The following SPATC1L variants were observed in gnomAD, a reference collection of about 807,000 sequenced individuals.
The protein encoded by SPATC1L is speriolin-like protein.
A neutral mutation model predicts 21.2 loss-of-function variants in SPATC1L; 20 were observed. The observed-to-expected ratio is 0.94, with a 90% CI of 0.66 to 1.37. SPATC1L has a LOEUF of 1.37. SPATC1L is among the 40% of genes most tolerant of loss of function. The pLI, the probability that SPATC1L is intolerant of heterozygous loss-of-function variation, is 0.00. For synonymous variants in SPATC1L, 290 were observed against 234.5 expected, an observed-to-expected ratio of 1.24 and a Z score of -2.16; for missense variants, 499 against 478.7, an observed-to-expected ratio of 1.04 and a Z score of -0.40.
At chr21:46,172,983 T>C (rs13048940) in intron 2 of SPATC1L, among the ~76,000 whole-genome samples, 111,263 of 152,136 alleles carry the variant, frequency 0.73, 42,038 homozygotes, top group East Asian at 1. Context: ...GGAGACCCCT[T>C]GCCCACCATG....
At chr21:46,174,344 CAAAA>C (rs200980627) in intron 2 of SPATC1L, among the ~76,000 whole-genome samples, 1 of 68,830 alleles carries the variant, frequency 1.5e-5, no homozygotes, top group Non-Finnish European at 2.8e-5. Context: ...AAAAACAAAA[CAAAA>C]AAAAAAAAAA....
Position 46,182,703 on chromosome 21 carries a change from G to C in SPATC1L, c.114C>G (p.Ser38Arg), listed in dbSNP as rs1449894045. ...NQMLRRLLSQ[S>R]CQEGGGHDLL... ...GGTCGTGGCCGCCGCCCTCCTGGCA[G>C]CTCTGGCTGAGCAGCCGCCGCAGCA... is the stretch of plus-strand genomic sequence containing the variant. Residue 38 changes from serine (S) to arginine (R), a missense_variant, in exon 2 of 5, where the codon AGC (serine) becomes AGG (arginine). By Grantham distance (110) the Ser-to-Arg change is moderately radical. Coordinates refer to ENST00000291672, the MANE Select transcript of SPATC1L (RefSeq NM_001142854.2). 6.5e-7 allele frequency: 1 copy of C among 1,545,236 alleles called. No individual in the cohort carries two copies. The highest frequency in any genetic ancestry group is 1.4e-5 in the African/African-American group (1 of 72,980).
chr21:46,173,139 C>G (rs1398526706), intron 2 of SPATC1L, among the ~76,000 whole-genome samples: 1 of 152,216 alleles, frequency 6.6e-6, no homozygotes, highest in Non-Finnish European at 1.5e-5. Flanking sequence ...GACTTTGGAC[C>G]TAGGGGAACT....
chr21:46,162,236 G>A (rs181141098), intron 3 of SPATC1L, among the ~76,000 whole-genome samples, 169 bp from the exon 4 acceptor site: 8 of 152,228 alleles, frequency 5.3e-5, no homozygotes, highest in Admixed American at 5.2e-4. Context: ...TTCTTAAAGT[G>A]CCAAAGGGCA....
intron 2 of SPATC1L, among the ~76,000 whole-genome samples, chr21:46,179,714 C>G (rs1264035517): frequency 6.6e-6 from 1 of 152,166 alleles, no homozygotes; most frequent in Non-Finnish European, 1.5e-5. Context: ...TCTGGGGGGG[C>G]CTGGCTGTCC....
In SPATC1L at chr21:46,174,346, A is replaced by AAC. The variant is rs1555887772; in HGVS notation, c.194-5689_194-5688insGT. On this transcript the variant is annotated intron_variant, in intron 2 of 4. Coordinates refer to ENST00000291672, the MANE Select transcript of SPATC1L (RefSeq NM_001142854.2). Reference sequence around the variant, plus strand: ...AGACTCTGTCTCAAAAAACAAAACAAAAAAAAAAAAAAAACAGAATGGCAA... The same window carrying AAC: ...AGACTCTGTCTCAAAAAACAAAACAAACAAAAAAAAAAAAAACAGAATGGCAA... 2.4e-3 allele frequency among the ~76,000 whole-genome samples: 222 copies of AAC among 93,900 alleles called. 1 individual carries two copies. Among genetic ancestry groups the AAC allele is most frequent in the Middle Eastern group, 0.012 (2 of 170 alleles). 61.6% of individuals were successfully genotyped at this position (93,900 alleles called of 152,430 possible).
rs1278703345 is a variant in SPATC1L at position 46,161,478 on chromosome 21, G to A, written c.924C>T (p.Ile308=). 1.4e-5 allele frequency: 23 copies of A among 1,600,802 alleles called. No individual in the cohort carries two copies. The highest frequency in any genetic ancestry group is 8.4e-5 in the Admixed American group (5 of 59,624). The change falls in exon 5 of 5, where the codon ATC becomes ATT. Residue 308 remains isoleucine, a synonymous_variant. Transcript: ENST00000291672. ...CCAGGAACTTGGGGGGCACCACGTC[G>A]ATGACCAGCTTGCGCAGCGCGGCCG... is the stretch of plus-strand genomic sequence containing the variant. ...SSPAALRKLV[I]DVVPPKFLGD...
intron 2 of SPATC1L, among the ~76,000 whole-genome samples, chr21:46,172,468 A>G (rs2079601106): frequency 6.6e-6 from 1 of 152,238 alleles, no homozygotes; most frequent in African/African-American, 2.4e-5. Context: ...TCTGTTTTCC[A>G]AAAATAAGAA....
At chr21:46,166,227 G>A (rs199563050) in intron 3 of SPATC1L, among the ~76,000 whole-genome samples, 1 of 152,096 alleles carries the variant, frequency 6.6e-6, no homozygotes, top group African/African-American at 2.4e-5. Flanking sequence ...TTAGCTGGGC[G>A]TGGTGGCACG....
chr21:46,179,075 C>CA lies in SPATC1L; in HGVS notation c.193+3548dup, dbSNP rs1221584346. ...GCAACATAGGGAGACCCTGTCTCTA[C>CA]AAAAAAAAAAAAAAAATTTTTAACT... On this transcript the variant is annotated intron_variant, in intron 2 of 4. Transcript: ENST00000291672. 3.5e-3 allele frequency among the ~76,000 whole-genome samples: 325 copies of CA among 91,610 alleles called. 1 individual carries two copies. Among genetic ancestry groups the CA allele is most frequent in the Middle Eastern group, 0.011 (2 of 178 alleles). 60.1% of individuals were successfully genotyped at this position (91,610 alleles called of 152,430 possible).
intron 3 of SPATC1L, among the ~76,000 whole-genome samples, chr21:46,162,391 GC>G (rs2079506761): frequency 6.6e-6 from 1 of 152,116 alleles, no homozygotes; most frequent in Non-Finnish European, 1.5e-5. Flanking sequence ...GAGGAACCCG[GC>G]CCTGGAGGTC....
At chr21:46,165,903 C>T (rs78337734) in intron 3 of SPATC1L, among the ~76,000 whole-genome samples, 16,069 of 152,120 alleles carry the variant, frequency 0.11, 1,488 homozygotes, top group African/African-American at 0.25. Context: ...AAAATGTTCC[C>T]ACAGAGACCA....
intron 3 of SPATC1L, among the ~76,000 whole-genome samples, chr21:46,164,522 G>A (rs910106606): frequency 6.6e-6 from 1 of 151,986 alleles, no homozygotes; most frequent in South Asian, 2.1e-4. Flanking sequence ...GGCCAGGTGC[G>A]GTGGCTCATG....
In SPATC1L at chr21:46,183,157, G is replaced by A. The variant is rs554745368; in HGVS notation, c.-341C>T. On this transcript the variant is annotated 5_prime_UTR_variant, in exon 2 of 5. Transcript: ENST00000291672. ...AGGGGCGTCCAAGCCACTCCCCATTGAGCGGCCCAGCCAGGGTCGGGTGTC... is the reference window on the plus strand; with the variant it reads ...AGGGGCGTCCAAGCCACTCCCCATTAAGCGGCCCAGCCAGGGTCGGGTGTC... The A allele has an allele frequency of 3.3e-4, 106 of 321,016 alleles. No homozygotes were observed. Among genetic ancestry groups the A allele is most frequent in the Admixed American group, 2.3e-3 (47 of 20,086 alleles). The allele number at this position is 321,016 out of a possible 1,614,324, so 19.9% of individuals were successfully genotyped here.
At chr21:46,172,247 G>C (rs1306060772) in intron 2 of SPATC1L, among the ~76,000 whole-genome samples, 1 of 149,874 alleles carries the variant, frequency 6.7e-6, no homozygotes, top group Non-Finnish European at 1.5e-5. Flanking sequence ...GAGGTGTGCA[G>C]AGCACAAGAT....
In SPATC1L at chr21:46,175,955, C is replaced by T. The variant is rs183083938; in HGVS notation, c.193+6669G>A. ...CCAGCAGCACATCAAAAAGCTTATCCACCACAATCAAATAGGTTTTATCCC... is the reference window on the plus strand; with the variant it reads ...CCAGCAGCACATCAAAAAGCTTATCTACCACAATCAAATAGGTTTTATCCC... On this transcript the variant is annotated intron_variant, in intron 2 of 4. Transcript: ENST00000291672. Among the ~76,000 whole-genome samples, 40 of 152,250 alleles carry T rather than the reference C, an allele frequency of 2.6e-4. No individual in the cohort carries two copies. The East Asian group carries it at 6.6e-3, about 25-fold the overall frequency.
rs1323172399 is a variant in SPATC1L, at chr21:46,182,731, T to C, written c.86A>G (p.Gln29Arg). 2 of 1,547,728 alleles carry C rather than the reference T, an allele frequency of 1.3e-6. No individual in the cohort carries two copies. Among genetic ancestry groups the C allele is most frequent in the South Asian group, 2.4e-5 (2 of 83,946 alleles). ...CTGGCTGAGCAGCCGCCGCAGCATC[T>C]GATTCTCCTTCAGGAGGCGCACCTG... ...KKQVRLLKENQMLRRLLSQSC... is the reference protein window; with the variant it reads ...KKQVRLLKENRMLRRLLSQSC... The change falls in exon 2 of 5, where the codon CAG becomes CGG. Residue 29 changes from glutamine (Q) to arginine (R), a missense_variant. Gln to Arg is a conservative substitution (Grantham distance 43). Transcript: ENST00000291672.
intron 2 of SPATC1L, among the ~76,000 whole-genome samples, chr21:46,177,067 A>G (rs1001573425): frequency 2.6e-5 from 4 of 152,224 alleles, no homozygotes; most frequent in African/African-American, 4.8e-5. Context: ...CCATATGCAG[A>G]AGACTGAAAT....
chr21:46,177,835 T>G (rs1246726087), intron 2 of SPATC1L, among the ~76,000 whole-genome samples: 1 of 152,206 alleles, frequency 6.6e-6, no homozygotes, highest in Non-Finnish European at 1.5e-5. Flanking sequence ...CTGCAGACTA[T>G]TCACAATAGC....
Sources: gnomAD v4.1 joint callset for allele counts (sites outside exome capture counted in the v4.1 genomes callset) on GRCh38, gnomAD v4.1.1 for gene constraint, MANE v1.5 for transcripts, NCBI Gene and HGNC (gene_info 2026-07-23, HGNC 2026-07-21) for gene names.